FGF13: variants seen among roughly 807,000 people sequenced by gnomAD.
The protein encoded by FGF13 is fibroblast growth factor 13, also known as fibroblast growth factor homologous factor 2.
FGF13 carries 2 observed loss-of-function variants against 19.5 expected under a neutral mutation model. That is an observed-to-expected ratio of 0.10 (90% CI 0.04 to 0.32). The LOEUF (loss-of-function observed/expected upper bound fraction) is 0.32. Ranked by LOEUF, FGF13 falls within the 10% of genes least tolerant of loss-of-function variation. The probability of loss-of-function intolerance (pLI) is 1.00; values close to 1 mark genes in which losing one functional copy is unlikely to be tolerated. For missense variants in FGF13, 113 were observed against 192.7 expected, an observed-to-expected ratio of 0.59 and a Z score of 2.45; for synonymous variants, 72 against 76.9, an observed-to-expected ratio of 0.94 and a Z score of 0.33.
At chrX:138,987,214 G>A (rs2091997864) in intron 1 of FGF13, among the ~76,000 whole-genome samples, 1 of 112,270 alleles carries the variant, frequency 8.9e-6, no homozygotes, top group African/African-American at 3.2e-5. Context: ...TGGCAGATGT[G>A]AGAGTAAGCA....
chrX:138,763,415 C>T (rs1472352006), intron 3 of FGF13, among the ~76,000 whole-genome samples: 1 of 111,761 alleles, frequency 8.9e-6, no homozygotes, highest in Non-Finnish European at 1.9e-5. Flanking sequence ...ACACACTCCA[C>T]AAGTGTTTGT....
chrX:139,125,744 G>C (rs2083710708), intron 1 of FGF13, among the ~76,000 whole-genome samples: 3 of 111,743 alleles, frequency 2.7e-5, no homozygotes, highest in Non-Finnish European at 5.6e-5. Flanking sequence ...TGGCTGACAA[G>C]CACACAGCTA....
At chrX:138,913,158 G>GCAC (rs1414604744) in intron 1 of FGF13, among the ~76,000 whole-genome samples, 1 of 96,243 alleles carries the variant, frequency 1.0e-5, no homozygotes, top group Non-Finnish European at 2.1e-5. Context: ...TTCTTCTCTT[G>GCAC]CACCTGGAAA....
At chrX:139,165,207 G>T (rs1337082473) in intron 1 of FGF13, among the ~76,000 whole-genome samples, 3 of 112,344 alleles carry the variant, frequency 2.7e-5, no homozygotes, top group South Asian at 3.7e-4. Context: ...GGATTTTATG[G>T]AATGCAGAAA....
chrX:138,838,801 G>A (rs1472363802), intron 3 of FGF13, among the ~76,000 whole-genome samples: 2 of 111,484 alleles, frequency 1.8e-5, no homozygotes, highest in African/African-American at 6.5e-5. Flanking sequence ...ACTGCCTGAG[G>A]AATTTGCCTC....
intron 1 of FGF13, among the ~76,000 whole-genome samples, chrX:138,945,502 G>T (rs891196556): frequency 4.5e-5 from 5 of 111,538 alleles, no homozygotes; most frequent in African/African-American, 9.8e-5. Flanking sequence ...ATGAACAGTG[G>T]GGGGGTCATT....
intron 1 of FGF13, among the ~76,000 whole-genome samples, chrX:139,171,485 T>C (rs1313932841): frequency 8.9e-6 from 1 of 111,734 alleles, no homozygotes; most frequent in African/African-American, 3.2e-5. Flanking sequence ...CCCTCTACTG[T>C]ATGCTCTTAG....
At chrX:139,139,739 C>T (rs1316770108) in intron 1 of FGF13, among the ~76,000 whole-genome samples, 3 of 111,767 alleles carry the variant, frequency 2.7e-5, no homozygotes, top group Non-Finnish European at 5.6e-5. Context: ...AAGCAATATA[C>T]TAGTTGCTAG....
chrX:139,079,519 C>T (rs17001982), intron 1 of FGF13, among the ~76,000 whole-genome samples: 4,068 of 111,210 alleles, frequency 0.037, 177 homozygotes, highest in African/African-American at 0.13. Context: ...AGGACAAACA[C>T]CATCCTCCCT....
intron 1 of FGF13, among the ~76,000 whole-genome samples, chrX:138,939,132 C>A (rs941310105): frequency 8.9e-6 from 1 of 112,180 alleles, no homozygotes. Context: ...ACAACAAAAT[C>A]TGAAACTTGA....
intron 1 of FGF13, among the ~76,000 whole-genome samples, chrX:138,968,757 G>C (rs1388519686): frequency 8.9e-6 from 1 of 112,233 alleles, no homozygotes; most frequent in South Asian, 3.7e-4. Context: ...CTGATTTTCT[G>C]AAAGAGGACT....
chrX:139,017,625 G>A (rs2092159912), intron 1 of FGF13, among the ~76,000 whole-genome samples: 1 of 110,754 alleles, frequency 9.0e-6, no homozygotes, highest in Non-Finnish European at 1.9e-5. Flanking sequence ...CCAACTGGAC[G>A]TATTCACTCT....
At chrX:138,874,043 T>C (rs2091373361) in intron 1 of FGF13, among the ~76,000 whole-genome samples, 1 of 102,590 alleles carries the variant, frequency 9.7e-6, no homozygotes, top group South Asian at 4.8e-4. Flanking sequence ...TTAGGAGATA[T>C]ACCTAATGAA....
intron 3 of FGF13, among the ~76,000 whole-genome samples, chrX:138,842,528 G>A (rs192225919): frequency 2.6e-4 from 29 of 111,332 alleles, no homozygotes; most frequent in Non-Finnish European, 4.3e-4. Flanking sequence ...CAAGGATGGA[G>A]AACCTTGGTT....
At chrX:138,824,766 G>A (rs1034306760) in intron 3 of FGF13, among the ~76,000 whole-genome samples, 2 of 111,421 alleles carry the variant, frequency 1.8e-5, no homozygotes, top group African/African-American at 3.3e-5. Flanking sequence ...GATTGGGCAC[G>A]GCTAGGATTT....
chrX:139,085,582 G>C (rs1347170344), intron 1 of FGF13, among the ~76,000 whole-genome samples: 1 of 111,916 alleles, frequency 8.9e-6, no homozygotes, highest in African/African-American at 3.2e-5. Flanking sequence ...TTTAGCCTTA[G>C]TTTCATTATA....
chrX:139,003,263 G>C (rs907958987), intron 1 of FGF13, among the ~76,000 whole-genome samples: 8 of 109,595 alleles, frequency 7.3e-5, no homozygotes, highest in Non-Finnish European at 1.5e-4. Context: ...TTAAGGCAGC[G>C]CGTCTGGAGT....
At position 138,708,453 on chromosome X, in the gene FGF13, G is replaced by A. The variant is rs772379447; in HGVS notation, c.298+365C>T. 5.4e-5 allele frequency among the ~76,000 whole-genome samples: 6 copies of A among 111,894 alleles called. No homozygotes were observed. The East Asian group carries it at 1.7e-3, about 32-fold the overall frequency. ...TGGTATGAAACCACTCCTCTCTCTT[G>A]GGTTAAGACCGGTTCTTAAGAGTAG... On this transcript the variant is annotated intron_variant, in intron 2 of 4. Coordinates refer to ENST00000315930, the MANE Select transcript of FGF13 (RefSeq NM_004114.5).
intron 1 of FGF13, among the ~76,000 whole-genome samples, chrX:139,076,706 A>C (rs2083334924): frequency 8.9e-6 from 1 of 112,206 alleles, no homozygotes; most frequent in African/African-American, 3.2e-5. Context: ...CTGAAAAAAA[A>C]ATCGCTCAAC....
Sources: allele counts gnomAD v4.1 joint callset (sites outside exome capture counted in the v4.1 genomes callset), GRCh38; gene constraint gnomAD v4.1.1; transcripts MANE v1.5; gene names NCBI Gene and HGNC (gene_info 2026-07-23, HGNC 2026-07-21).